Variants in PSPC1 observed in about 807,000 individuals in gnomAD.
The protein encoded by PSPC1 is paraspeckle protein 1.
Under a neutral mutation model 51.6 loss-of-function variants are expected in PSPC1, and 14 were observed. The ratio of observed to expected loss-of-function variants is 0.27; its 90% CI spans 0.18 to 0.42. The LOEUF is 0.42. Ranked by LOEUF, PSPC1 falls within the 10% of genes least tolerant of loss-of-function variation. The probability of loss-of-function intolerance (pLI) is 1.00; values close to 1 mark genes in which losing one functional copy is unlikely to be tolerated. For synonymous variants in PSPC1, 193 were observed against 231.9 expected, an observed-to-expected ratio of 0.83 and a Z score of 1.53; for missense variants, 406 against 701.1, an observed-to-expected ratio of 0.58 and a Z score of 4.75.
At chr13:19,712,414 G>C (rs570083024) in intron 6 of PSPC1, among the ~76,000 whole-genome samples, 1 of 152,088 alleles carries the variant, frequency 6.6e-6, no homozygotes, top group Non-Finnish European at 1.5e-5. Flanking sequence ...TTGTCTCTTT[G>C]TATTTTCAGC....
At chr13:19,755,061 T>G (rs1236464252) in intron 3 of PSPC1, among the ~76,000 whole-genome samples, 1 of 151,872 alleles carries the variant, frequency 6.6e-6, no homozygotes, top group African/African-American at 2.4e-5. Context: ...GACAAAACTC[T>G]GTCTTTACAA....
At chr13:19,674,168 T>C (rs578240175), downstream of PSPC1, among the ~76,000 whole-genome samples, 345 of 152,338 alleles carry the variant, frequency 2.3e-3, 2 homozygotes, top group African/African-American at 7.9e-3. Context: ...AACTTGGCTA[T>C]TCAATTAACT....
At chr13:19,689,812 A>AT in intron 6 of PSPC1, among the ~76,000 whole-genome samples, 1 of 152,242 alleles carries the variant, frequency 6.6e-6, no homozygotes, top group Non-Finnish European at 1.5e-5. Flanking sequence ...TATTCTTAGA[A>AT]AACATTTGAA....
At chr13:19,747,680 A>C (rs1215867136) in intron 4 of PSPC1, among the ~76,000 whole-genome samples, 2 of 152,230 alleles carry the variant, frequency 1.3e-5, no homozygotes, top group East Asian at 3.8e-4. Context: ...CAAATACACA[A>C]AAACATCTAA....
intron 4 of PSPC1, among the ~76,000 whole-genome samples, chr13:19,741,920 C>T (rs1323237696): frequency 6.6e-6 from 1 of 151,850 alleles, no homozygotes; most frequent in African/African-American, 2.4e-5. Flanking sequence ...TCACTCGAGG[C>T]CAGGAGTTTG....
intron 5 of PSPC1, among the ~76,000 whole-genome samples, chr13:19,730,961 A>AAAAAAAAAAAAAAAC (rs1441202332): frequency 4.3e-5 from 1 of 23,510 alleles, no homozygotes; most frequent in Non-Finnish European, 1.5e-4. Flanking sequence ...AAAAAACAAA[A>AAAAAAAAAAAAAAAC]AAACAAAAAA....
intron 2 of PSPC1, among the ~76,000 whole-genome samples, chr13:19,768,369 C>T (rs908764462): frequency 3.0e-4 from 45 of 152,118 alleles, no homozygotes; most frequent in East Asian, 1.2e-3. Flanking sequence ...AAGCAGGGGA[C>T]GGGCGTGGTG....
At chr13:19,780,547 C>T (rs1407424888) in intron 1 of PSPC1, among the ~76,000 whole-genome samples, 6 of 89,620 alleles carry the variant, frequency 6.7e-5, no homozygotes, top group African/African-American at 2.1e-4. Context: ...GTGCTGTGTC[C>T]ACTCAGGGTT....
intron 3 of PSPC1, among the ~76,000 whole-genome samples, chr13:19,754,748 C>A (rs1401149270): frequency 2.0e-5 from 3 of 151,910 alleles, no homozygotes; most frequent in Non-Finnish European, 4.4e-5. Flanking sequence ...CCATAACTAG[C>A]TCTTAAGTTT....
At chr13:19,726,358 T>C (rs1468753041) in intron 6 of PSPC1, among the ~76,000 whole-genome samples, 8 of 152,230 alleles carry the variant, frequency 5.3e-5, no homozygotes, top group Admixed American at 5.2e-4. Context: ...GAGTTTTCTT[T>C]AACACGTATA....
chr13:19,694,961 C>T lies in PSPC1; in HGVS notation c.1159-17138G>A, dbSNP rs1461716435. Among the ~76,000 whole-genome samples the T allele has an allele frequency of 3.9e-5, 6 of 152,200 alleles. No homozygotes were observed. In the East Asian group the frequency reaches 9.6e-4, roughly 24 times the overall value. On this transcript the variant is annotated intron_variant and NMD_transcript_variant, in intron 6 of 7. Transcript: ENST00000471658. ...TATTTGTCACTCTATTACACAAATG[C>T]TATCAGGGCAAAGGATGGGTCCACT...
At chr13:19,752,439 T>C (rs1886648590) in intron 3 of PSPC1, among the ~76,000 whole-genome samples, 1 of 152,110 alleles carries the variant, frequency 6.6e-6, no homozygotes, top group Non-Finnish European at 1.5e-5. Flanking sequence ...TATGTAAATA[T>C]TTATTTTAGA....
chr13:19,705,866 T>C (rs1880589320), intron 7 of PSPC1, 35 bp from the exon 8 acceptor site: 2 of 1,523,108 alleles, frequency 1.3e-6, no homozygotes, highest in East Asian at 4.5e-5. Flanking sequence ...AGCTGTCCTA[T>C]CTTAGTTTAG....
chr13:19,710,188 C>T (rs1163855136), intron 6 of PSPC1, among the ~76,000 whole-genome samples: 1 of 152,122 alleles, frequency 6.6e-6, no homozygotes, highest in Admixed American at 6.6e-5. Flanking sequence ...ACTGAAAGCT[C>T]GACATAACAT....
intron 2 of PSPC1, among the ~76,000 whole-genome samples, chr13:19,767,228 T>C: frequency 6.6e-6 from 1 of 152,012 alleles, no homozygotes; most frequent in Non-Finnish European, 1.5e-5. Context: ...AGAAAGAGCA[T>C]TCTCTAAGGA....
intron 2 of PSPC1, among the ~76,000 whole-genome samples, chr13:19,761,380 T>C (rs1887594624): frequency 6.6e-6 from 1 of 152,078 alleles, no homozygotes; most frequent in Non-Finnish European, 1.5e-5. Flanking sequence ...TATTAAAATT[T>C]CCTTTGAGAT....
rs1885425576 is a variant in PSPC1, at chr13:19,741,469, C to T, written c.1052+96G>A. 6 of 836,768 alleles carry T rather than the reference C, an allele frequency of 7.2e-6. No homozygotes were observed. The East Asian group carries it at 1.6e-4, about 22-fold the overall frequency. 51.8% of individuals were successfully genotyped at this position (836,768 alleles called of 1,614,324 possible). ...TAAAATGGGCAATTTTTCTATTTTT[C>T]CTGTGATACTCAACTTATACAACTT... On this transcript the variant is annotated intron_variant, in intron 5 of 8. Transcript: ENST00000338910.
chr13:19,776,516 A>C (rs948993964), intron 1 of PSPC1, among the ~76,000 whole-genome samples: 1 of 151,254 alleles, frequency 6.6e-6, no homozygotes, highest in Non-Finnish European at 1.5e-5. Flanking sequence ...ACTATATGCA[A>C]ATTTTTTTTT....
At chr13:19,677,138 C>A (rs1876738618) in intron 7 of PSPC1, among the ~76,000 whole-genome samples, 1 of 150,018 alleles carries the variant, frequency 6.7e-6, no homozygotes, top group East Asian at 2.0e-4. Flanking sequence ...GAGGCTGAGG[C>A]AGGAGAATGG....
Sources: allele counts gnomAD v4.1 joint callset (sites outside exome capture counted in the v4.1 genomes callset), GRCh38; gene constraint gnomAD v4.1.1; transcripts MANE v1.5; gene names NCBI Gene and HGNC (gene_info 2026-07-23, HGNC 2026-07-21).